SGIP1: variants seen among roughly 807,000 people sequenced by gnomAD.
SGIP1 encodes SH3GL interacting endocytic adaptor 1.
SGIP1 carries 38 observed loss-of-function variants against 107.5 expected under a neutral mutation model. The ratio of observed to expected loss-of-function variants is 0.35; its 90% CI spans 0.27 to 0.46. The LOEUF (loss-of-function observed/expected upper bound fraction) is 0.46. Ranked by LOEUF, SGIP1 falls within the 20% of genes least tolerant of loss-of-function variation. The probability of loss-of-function intolerance (pLI) is 1.00; values close to 1 mark genes in which losing one functional copy is unlikely to be tolerated. For synonymous variants in SGIP1, 365 were observed against 366.1 expected (o/e 1.00, Z 0.03); for missense variants, 929 against 1,019.5 (o/e 0.91, Z 1.21).
intron 2 of SGIP1, among the ~76,000 whole-genome samples, chr1:66,632,381 A>G (rs895461854): frequency 2.0e-5 from 3 of 152,214 alleles, no homozygotes; most frequent in African/African-American, 7.2e-5. Context: ...GGAGAGGTAA[A>G]CAGAGAAATA....
Position 66,626,523 on chromosome 1 carries a change from T to C in SGIP1, c.74+613T>C, listed in dbSNP as rs1458913456. On this transcript the variant is annotated intron_variant, in intron 2 of 24. Transcript: ENST00000371037. ...AGAATTAATTGCCCACAGACACTGA[T>C]AGACTCTGAAAATGTGCAATGACAT... Among the ~76,000 whole-genome samples, 4 of 152,372 alleles carry C rather than the reference T, an allele frequency of 2.6e-5. No individual in the cohort carries two copies. The South Asian group carries it at 6.2e-4, about 24-fold the overall frequency.
At chr1:66,719,214 C>A in intron 18 of SGIP1, 80 bp from the exon 19 acceptor site, 1 of 907,270 alleles carries the variant, frequency 1.1e-6, no homozygotes, top group Admixed American at 2.6e-5. Context: ...ATTCCTTAAT[C>A]CTTTAATGGG....
rs377158063 is a variant in SGIP1, at chr1:66,625,849, T to C, written c.13T>C (p.Leu5=). The C allele has an allele frequency of 4.3e-5, 69 of 1,611,952 alleles. No homozygotes were observed. Among genetic ancestry groups the C allele is most frequent in the Non-Finnish European group, 5.3e-5 (62 of 1,178,804 alleles). Residue 5 remains leucine, a splice_region_variant and synonymous_variant, in exon 2 of 25, where the codon TTG becomes CTG. Transcript: ENST00000371037. ...GACCCTTTGCTGTTTTCCCACAGGA[T>C]TGAAAAAACGTACAAGGAAGGCCTT... The part of the protein sequence containing the change: MMEG[L]KKRTRKAFGI...
intron 18 of SGIP1, among the ~76,000 whole-genome samples, chr1:66,705,334 C>T (rs1215695153): frequency 6.6e-6 from 1 of 152,138 alleles, no homozygotes; most frequent in Non-Finnish European, 1.5e-5. Context: ...AGAGTAATAA[C>T]AGCATGACTT....
chr1:66,742,018 G>A (rs577433340), intron 24 of SGIP1, among the ~76,000 whole-genome samples: 3 of 152,128 alleles, frequency 2.0e-5, no homozygotes, highest in African/African-American at 4.8e-5. Context: ...CGCCTGCCTC[G>A]GCCTCCTAAA....
intron 1 of SGIP1, among the ~76,000 whole-genome samples, chr1:66,618,959 C>T (rs1167347576): frequency 6.6e-6 from 1 of 152,180 alleles, no homozygotes; most frequent in African/African-American, 2.4e-5. Flanking sequence ...TCCCTTCCAC[C>T]CTGTCACCCT....
At chr1:66,743,041 A>G in intron 24 of SGIP1, 32 bp from the exon 25 acceptor site, 1 of 1,613,086 alleles carries the variant, frequency 6.2e-7, no homozygotes, top group Non-Finnish European at 8.5e-7. Flanking sequence ...GAACTACCAG[A>G]TAACCTGTTG....
At chr1:66,623,086 A>AT (rs1470862526) in intron 1 of SGIP1, among the ~76,000 whole-genome samples, 2 of 152,120 alleles carry the variant, frequency 1.3e-5, no homozygotes, top group Non-Finnish European at 2.9e-5. Flanking sequence ...CCTTCACTCA[A>AT]TTTTAACACA....
chr1:66,742,749 G>A (rs1483236088), intron 24 of SGIP1, among the ~76,000 whole-genome samples: 9 of 149,376 alleles, frequency 6.0e-5, no homozygotes, highest in African/African-American at 1.5e-4. Context: ...GATTACAGGC[G>A]TGAGCCACCG....
At chr1:66,564,208 A>C (rs534697277) in intron 1 of SGIP1, among the ~76,000 whole-genome samples, 1 of 152,064 alleles carries the variant, frequency 6.6e-6, no homozygotes, top group East Asian at 1.9e-4. Context: ...GACTCACTCT[A>C]TCAATGGTGA....
In SGIP1 at chr1:66,643,716, A is replaced by G. The variant is rs764489259; in HGVS notation, c.456A>G (p.Pro152=). The G allele has an allele frequency of 1.2e-6, 2 of 1,605,138 alleles. No individual in the cohort carries two copies. The highest frequency in any genetic ancestry group is 2.2e-5 in the South Asian group (2 of 89,556). Residue 152 remains proline (P), a synonymous_variant, in exon 7 of 25, where the codon CCA becomes CCG. Transcript: ENST00000371037. ...GCAACATCGCACTTTCCCCATCACC[A>G]GTGGTGAGTGTTGTGTGTGTGTGTG... ...SIGNIALSPS[P]VRKSPRRSPG...
intron 13 of SGIP1, among the ~76,000 whole-genome samples, chr1:66,679,287 C>T (rs570879352): frequency 4.5e-4 from 68 of 152,304 alleles, no homozygotes; most frequent in Admixed American, 6.5e-4. Context: ...TAACTGTCAG[C>T]GGACATGATT....
intron 1 of SGIP1, among the ~76,000 whole-genome samples, chr1:66,618,777 T>C (rs1208256111): frequency 6.6e-6 from 1 of 152,194 alleles, no homozygotes; most frequent in African/African-American, 2.4e-5. Context: ...AGAGAGAGAA[T>C]TAAGATTGTC....
chr1:66,657,911 CATCTTTGTTTTTTCCT>C (rs2080111411), intron 7 of SGIP1, among the ~76,000 whole-genome samples: 1 of 152,206 alleles, frequency 6.6e-6, no homozygotes, highest in East Asian at 1.9e-4. Flanking sequence ...AAATCGAAAA[CATCTTTGTTTTTTCCT>C]ATCTTTGTTT....
At chr1:66,544,938 C>T (rs1304953985) in intron 1 of SGIP1, among the ~76,000 whole-genome samples, 3 of 152,128 alleles carry the variant, frequency 2.0e-5, no homozygotes, top group African/African-American at 7.2e-5. Flanking sequence ...ACTATGTCTA[C>T]CAGGTAGCCA....
At chr1:66,540,383 G>A (rs1244932317) in intron 1 of SGIP1, among the ~76,000 whole-genome samples, 2 of 152,088 alleles carry the variant, frequency 1.3e-5, no homozygotes, top group African/African-American at 4.8e-5. Flanking sequence ...CAGTATGCTG[G>A]ATGCTTTTTT....
At chr1:66,589,387 A>G (rs2148859702) in intron 1 of SGIP1, among the ~76,000 whole-genome samples, 1 of 151,712 alleles carries the variant, frequency 6.6e-6, no homozygotes, top group Middle Eastern at 3.4e-3. Context: ...TCTGTTCTTA[A>G]CCCCAATTTC....
At chr1:66,742,022 T>C (rs1351175396) in intron 24 of SGIP1, among the ~76,000 whole-genome samples, 1 of 152,168 alleles carries the variant, frequency 6.6e-6, no homozygotes, top group Non-Finnish European at 1.5e-5. Flanking sequence ...TGCCTCGGCC[T>C]CCTAAAGTAC....
At chr1:66,681,609 A>AT (rs2086711543) in intron 14 of SGIP1, among the ~76,000 whole-genome samples, 1 of 152,228 alleles carries the variant, frequency 6.6e-6, no homozygotes, top group Non-Finnish European at 1.5e-5. Flanking sequence ...AGCACTTTAC[A>AT]TGATGGTCAA....
Sources: allele counts gnomAD v4.1 joint callset (sites outside exome capture counted in the v4.1 genomes callset), GRCh38; gene constraint gnomAD v4.1.1; transcripts MANE v1.5; gene names NCBI Gene and HGNC (gene_info 2026-07-23, HGNC 2026-07-21).